Variants in CACNA2D2 observed in about 807,000 individuals in gnomAD.
CACNA2D2 encodes the protein voltage-dependent calcium channel subunit alpha-2/delta-2.
In CACNA2D2, 48 loss-of-function variants were observed where a neutral mutation model predicts 166.4. The observed-to-expected ratio is 0.29, with a 90% CI of 0.23 to 0.37. The LOEUF (loss-of-function observed/expected upper bound fraction) is 0.37, where lower values mean the gene tolerates loss of function less well. Among genes scored for constraint, CACNA2D2 ranks in the 10% least tolerant of loss-of-function variants. The pLI, the probability that CACNA2D2 is intolerant of heterozygous loss-of-function variation, is 1.00. For missense variants in CACNA2D2, 1,122 were observed against 1,433.0 expected, an observed-to-expected ratio of 0.78 and a Z score of 3.50; for synonymous variants, 561 against 573.7, an observed-to-expected ratio of 0.98 and a Z score of 0.32.
chr3:50,465,780 G>C (rs1709803905), intron 2 of CACNA2D2, among the ~76,000 whole-genome samples: 1 of 152,180 alleles, frequency 6.6e-6, no homozygotes, highest in African/African-American at 2.4e-5. Flanking sequence ...GCATCTAGGG[G>C]TTGTAAGTGG....
At chr3:50,454,006 G>A (rs1000507988) in intron 2 of CACNA2D2, among the ~76,000 whole-genome samples, 11 of 152,114 alleles carry the variant, frequency 7.2e-5, no homozygotes, top group East Asian at 3.9e-4. Context: ...CTCCACACCC[G>A]GGTTCCGGTG....
chr3:50,448,188 C>T (rs1286280093), intron 2 of CACNA2D2, among the ~76,000 whole-genome samples: 2 of 152,150 alleles, frequency 1.3e-5, no homozygotes, highest in Admixed American at 6.5e-5. Flanking sequence ...GCCCCTTTAC[C>T]AGTTAGGCCT....
chr3:50,380,762 G>T lies in CACNA2D2; in HGVS notation c.828C>A (p.Val276=). The stretch of plus-strand genomic sequence containing the variant: ...TGCTCGCTCACCAGGGTCTCCTTCG[G>T]ACATCGTACAGGTCGATCTTCTTGG... ...RAPKKIDLYD[V]RRRPWYIQGA... The change falls in exon 8 of 38, where the codon GTC becomes GTA. Residue 276 remains valine (V), a synonymous_variant. Coordinates refer to ENST00000424201, the MANE Select transcript of CACNA2D2 (RefSeq NM_006030.4). The surrounding 1 kb of genome is among the most constrained non-coding windows in gnomAD (Gnocchi z 4.9). 1 of 1,547,872 alleles carries T rather than the reference G, an allele frequency of 6.5e-7. No homozygotes were observed. Among genetic ancestry groups the T allele is most frequent in the Non-Finnish European group, 8.7e-7 (1 of 1,147,006 alleles).
intron 2 of CACNA2D2, among the ~76,000 whole-genome samples, chr3:50,436,232 C>A (rs1708313165): frequency 6.6e-6 from 1 of 152,198 alleles, no homozygotes; most frequent in South Asian, 2.1e-4. Context: ...GAGTGGTGCC[C>A]CGACCCATTT....
chr3:50,485,640 AG>A (rs1487844292), intron 1 of CACNA2D2, among the ~76,000 whole-genome samples: 5 of 152,216 alleles, frequency 3.3e-5, no homozygotes, highest in African/African-American at 4.8e-5. Context: ...AGAAACTCCT[AG>A]GATACGGAGA....
In CACNA2D2 at chr3:50,410,014, G is replaced by C. The variant is rs530143679; in HGVS notation, c.406-15846C>G. 3.0e-4 allele frequency among the ~76,000 whole-genome samples: 46 copies of C among 152,280 alleles called. No homozygotes were observed. In the Middle Eastern group the frequency reaches 0.01, roughly 34 times the overall value. On this transcript the variant is annotated intron_variant, in intron 3 of 37. Coordinates refer to ENST00000424201, the MANE Select transcript of CACNA2D2 (RefSeq NM_006030.4). The stretch of plus-strand genomic sequence containing the variant: ...AGGAGGGGTCCTTGAAGAAGGCAGG[G>C]AGTTGTATACACTCCCCAAGGCCAC...
intron 5 of CACNA2D2, 74 bp from the exon 6 acceptor site, chr3:50,384,411 G>A: frequency 6.5e-7 from 1 of 1,539,426 alleles, no homozygotes; most frequent in East Asian, 2.3e-5. Context: ...CTGCAAGTAG[G>A]GGCAGGGAGG....
intron 2 of CACNA2D2, among the ~76,000 whole-genome samples, chr3:50,444,293 G>T (rs574294395): frequency 6.6e-6 from 1 of 152,310 alleles, no homozygotes; most frequent in South Asian, 2.1e-4. Context: ...ATACTGAGGC[G>T]CCGGGAGGGT....
At chr3:50,409,509 T>C (rs1706889323) in intron 3 of CACNA2D2, among the ~76,000 whole-genome samples, 1 of 152,260 alleles carries the variant, frequency 6.6e-6, no homozygotes, top group Admixed American at 6.5e-5. Context: ...GCACCGCCTG[T>C]GCTGCACACG....
intron 1 of CACNA2D2, among the ~76,000 whole-genome samples, chr3:50,476,991 G>A (rs546651461): frequency 6.7e-6 from 1 of 148,228 alleles, no homozygotes; most frequent in East Asian, 2.0e-4. Context: ...GTGCAGTGGT[G>A]CGATCTCTGC....
chr3:50,365,008 C>T lies in CACNA2D2; in HGVS notation c.3209-38G>A. 6.8e-7 allele frequency: 1 copy of T among 1,464,162 alleles called. No homozygotes were observed. The highest frequency in any genetic ancestry group is 9.2e-7 in the Non-Finnish European group (1 of 1,089,486). 90.7% of individuals were successfully genotyped at this position (1,464,162 alleles called of 1,614,324 possible). ...GGGGAGTCAAGGAGGCGGACGGCGG[C>T]GGCGGCACGGAGGGGGCGCGCGGGG... On this transcript the variant is annotated intron_variant, in intron 36 of 37. Transcript: ENST00000424201. This position sits in a 1 kb window ranked among gnomAD's most constrained non-coding sequence, Gnocchi z 4.5.
intron 3 of CACNA2D2, among the ~76,000 whole-genome samples, chr3:50,406,586 C>T (rs148186481): frequency 3.3e-5 from 5 of 151,470 alleles, no homozygotes; most frequent in Non-Finnish European, 5.9e-5. Context: ...TGCCAACATC[C>T]TCCCCATCAC....
chr3:50,411,512 G>A (rs1014677013), intron 3 of CACNA2D2, among the ~76,000 whole-genome samples: 1 of 152,184 alleles, frequency 6.6e-6, no homozygotes, highest in Non-Finnish European at 1.5e-5. Flanking sequence ...AATCTTGTGC[G>A]CCAGCTCCCA....
intron 22 of CACNA2D2, among the ~76,000 whole-genome samples, chr3:50,374,317 GAGGAGAAAGGGGAGGGTA>G: frequency 1.2e-5 from 1 of 85,688 alleles, no homozygotes; most frequent in African/African-American, 4.7e-5. Flanking sequence ...GGAGGAGGGG[GAGGAGAAAGGGGAGGGTA>G]GGGGGAGGAG....
At chr3:50,499,952 G>A (rs1403666693) in intron 1 of CACNA2D2, among the ~76,000 whole-genome samples, 1 of 152,202 alleles carries the variant, frequency 6.6e-6, no homozygotes. Flanking sequence ...CTCGGTGACA[G>A]CAGCAGCGGC....
intron 1 of CACNA2D2, among the ~76,000 whole-genome samples, chr3:50,487,282 C>T (rs902627911): frequency 3.9e-5 from 6 of 152,204 alleles, no homozygotes; most frequent in African/African-American, 1.4e-4. Context: ...AGGGGGCTAC[C>T]TCAGGAACTC....
chr3:50,477,432 A>G (rs7629115), intron 1 of CACNA2D2, among the ~76,000 whole-genome samples: 152,309 of 152,312 alleles, frequency 1, 76,153 homozygotes, highest in Middle Eastern at 1. Flanking sequence ...ACCTGGAAGA[A>G]GGAAGGAGTC....
intron 3 of CACNA2D2, among the ~76,000 whole-genome samples, chr3:50,404,804 C>T (rs541301049): frequency 1.3e-5 from 2 of 152,328 alleles, no homozygotes; most frequent in African/African-American, 4.8e-5. Context: ...CACCTAACTT[C>T]TTCCCACTGC....
intron 24 of CACNA2D2, 40 bp downstream of exon 24, chr3:50,368,098 T>G (rs1218347106): frequency 6.8e-7 from 1 of 1,469,502 alleles, no homozygotes; most frequent in Non-Finnish European, 9.5e-7. Context: ...CCATGCTGCC[T>G]GGGCACTGCC....
Sources: allele counts gnomAD v4.1 joint callset (sites outside exome capture counted in the v4.1 genomes callset), GRCh38; gene constraint gnomAD v4.1.1; non-coding constraint Gnocchi (gnomAD v3.1); transcripts MANE v1.5; gene names NCBI Gene and HGNC (gene_info 2026-07-23, HGNC 2026-07-21).